DOCK2: variants seen among roughly 807,000 people sequenced by gnomAD.
DOCK2 encodes dedicator of cytokinesis protein 2.
DOCK2 carries 87 observed loss-of-function variants against 248.9 expected under a neutral mutation model. The ratio of observed to expected loss-of-function variants is 0.35; its 90% CI spans 0.29 to 0.42. DOCK2 has a LOEUF of 0.42. DOCK2 is among the 10% of genes least tolerant of loss of function. The pLI, the probability that DOCK2 is intolerant of heterozygous loss-of-function variation, is 1.00. For missense variants in DOCK2, 1,747 were observed against 2,300.2 expected, an observed-to-expected ratio of 0.76 and a Z score of 4.92; for synonymous variants, 805 against 821.6, an observed-to-expected ratio of 0.98 and a Z score of 0.35.
chr5:169,857,710 G>T (rs1309548120), intron 27 of DOCK2, among the ~76,000 whole-genome samples: 3 of 150,364 alleles, frequency 2.0e-5, no homozygotes, highest in Admixed American at 1.3e-4. Context: ...GAGAAGACTG[G>T]TTATTTGTTC....
At chr5:169,800,637 G>A (rs1419189972) in intron 25 of DOCK2, among the ~76,000 whole-genome samples, 3 of 152,340 alleles carry the variant, frequency 2.0e-5, no homozygotes, top group South Asian at 4.1e-4. Flanking sequence ...GAGCTCATGA[G>A]AGGGCTTCTG....
At chr5:169,996,319 T>C (rs1754634400) in intron 30 of DOCK2, among the ~76,000 whole-genome samples, 155 bp downstream of exon 30, 1 of 152,214 alleles carries the variant, frequency 6.6e-6, no homozygotes, top group African/African-American at 2.4e-5. Context: ...GAGAAAATTC[T>C]CAGGCTTTCA....
chr5:169,666,492 A>G (rs763803399), intron 2 of DOCK2, among the ~76,000 whole-genome samples: 1 of 152,206 alleles, frequency 6.6e-6, no homozygotes, highest in Non-Finnish European at 1.5e-5. Flanking sequence ...GGTAAATGCC[A>G]TGTTACACTG....
rs112515984 is a variant in DOCK2, at chr5:170,026,496, C to T, written c.3382-1367C>T. 6.9e-3 allele frequency among the ~76,000 whole-genome samples: 1,054 copies of T among 152,316 alleles called. 4 individuals carry two copies. The highest frequency in any genetic ancestry group is 0.048 in the Middle Eastern group (14 of 294). On this transcript the variant is annotated intron_variant, in intron 33 of 51. Coordinates refer to ENST00000520908, the MANE Select transcript of DOCK2 (RefSeq NM_004946.3). ...TAGAGGTCAGGACTCCCCAAGTCCT[C>T]TTTTGGTCTTGGTGACCTTTGCGAA...
chr5:169,744,386 C>G (rs948172425), intron 22 of DOCK2, among the ~76,000 whole-genome samples: 2 of 152,162 alleles, frequency 1.3e-5, no homozygotes, highest in Non-Finnish European at 2.9e-5. Context: ...GTCACTTGCC[C>G]TCTCTGGCCC....
intron 51 of DOCK2, among the ~76,000 whole-genome samples, chr5:170,082,268 C>G (rs550100420): frequency 1.3e-5 from 2 of 152,200 alleles, no homozygotes; most frequent in South Asian, 2.1e-4. Context: ...CTAAACTGCC[C>G]CTTAGTGCTC....
At chr5:169,644,129 G>A (rs936815962) in intron 1 of DOCK2, among the ~76,000 whole-genome samples, 2 of 152,204 alleles carry the variant, frequency 1.3e-5, no homozygotes, top group Non-Finnish European at 2.9e-5. Flanking sequence ...AGAGGTCATA[G>A]GGAGCAGTGC....
chr5:169,743,639 TA>T (rs141787594), intron 22 of DOCK2, among the ~76,000 whole-genome samples: 2,705 of 152,078 alleles, frequency 0.018, 79 homozygotes, highest in African/African-American at 0.063. Flanking sequence ...GAAAAGTAAT[TA>T]ACTGAGGCCA....
intron 27 of DOCK2, among the ~76,000 whole-genome samples, chr5:169,906,557 C>T (rs1258156337): frequency 6.6e-6 from 1 of 152,094 alleles, no homozygotes; most frequent in Non-Finnish European, 1.5e-5. Context: ...GTCTTAAGTT[C>T]CTGGGTTCAA....
At chr5:169,831,271 C>T (rs1225086307) in intron 26 of DOCK2, among the ~76,000 whole-genome samples, 1 of 151,700 alleles carries the variant, frequency 6.6e-6, no homozygotes, top group African/African-American at 2.4e-5. Context: ...TTTTTCTGAA[C>T]ATATTTAGGA....
Position 169,949,245 on chromosome 5 carries a change from G to A in DOCK2, c.2800-33823G>A, listed in dbSNP as rs530860070. ...GACTACTATGTGCAGAATGTGGTAG[G>A]GATCCATTGAAGATACAATCCTTGC... On this transcript the variant is annotated intron_variant, in intron 27 of 51. Coordinates refer to ENST00000520908, the MANE Select transcript of DOCK2 (RefSeq NM_004946.3). Among the ~76,000 whole-genome samples, 26 of 152,298 alleles carry A rather than the reference G, an allele frequency of 1.7e-4. No individual in the cohort carries two copies. In the South Asian group the frequency reaches 5.2e-3, roughly 30 times the overall value.
intron 30 of DOCK2, among the ~76,000 whole-genome samples, chr5:169,998,943 T>C (rs1415219439): frequency 6.6e-6 from 1 of 152,172 alleles, no homozygotes; most frequent in Non-Finnish European, 1.5e-5. Flanking sequence ...AAGTTTCTGC[T>C]TTTTGGGAGG....
At chr5:170,027,826 T>G in intron 33 of DOCK2, 37 bp from the exon 34 acceptor site, 2 of 1,590,316 alleles carry the variant, frequency 1.3e-6, no homozygotes, top group Non-Finnish European at 1.7e-6. Flanking sequence ...CTCAGCCTTC[T>G]GATGTTATTG....
chr5:170,078,914 G>A (rs1757929970), intron 48 of DOCK2, 61 bp from the exon 49 acceptor site: 2 of 1,593,920 alleles, frequency 1.3e-6, no homozygotes, highest in Non-Finnish European at 1.7e-6. Context: ...CTGGGTCCTT[G>A]CAAGGCAGTT....
At chr5:169,748,892 A>G (rs776134578) in intron 23 of DOCK2, among the ~76,000 whole-genome samples, 2 of 152,240 alleles carry the variant, frequency 1.3e-5, no homozygotes, top group Non-Finnish European at 2.9e-5. Context: ...AATCCTCTAA[A>G]TTACACATTA....
At chr5:170,069,753 C>G (rs1239014100) in intron 46 of DOCK2, among the ~76,000 whole-genome samples, 2 of 152,168 alleles carry the variant, frequency 1.3e-5, no homozygotes, top group African/African-American at 4.8e-5. Context: ...CTGCTCAGCC[C>G]ACGGGCTTAG....
At chr5:169,936,190 A>C (rs1278488224) in intron 27 of DOCK2, among the ~76,000 whole-genome samples, 1 of 152,226 alleles carries the variant, frequency 6.6e-6, no homozygotes, top group Non-Finnish European at 1.5e-5. Context: ...TACACACAGA[A>C]TTAATCCATA....
intron 1 of DOCK2, among the ~76,000 whole-genome samples, chr5:169,652,791 A>T (rs1198007752): frequency 6.6e-6 from 1 of 152,196 alleles, no homozygotes; most frequent in African/African-American, 2.4e-5. Context: ...GCAGAGATGA[A>T]TGAGAGTTAG....
chr5:170,013,094 G>C (rs958554861), intron 32 of DOCK2, among the ~76,000 whole-genome samples: 1 of 152,074 alleles, frequency 6.6e-6, no homozygotes, highest in Non-Finnish European at 1.5e-5. Flanking sequence ...GATTCCATGT[G>C]GGGAAATGGC....
Sources: gnomAD v4.1 joint callset for allele counts (sites outside exome capture counted in the v4.1 genomes callset) on GRCh38, gnomAD v4.1.1 for gene constraint, MANE v1.5 for transcripts, NCBI Gene and HGNC (gene_info 2026-07-23, HGNC 2026-07-21) for gene names.